Variants in EPHA6 observed in about 807,000 individuals in gnomAD.
The protein encoded by EPHA6 is EPH receptor A6.
EPHA6 carries 50 observed loss-of-function variants against 112.0 expected under a neutral mutation model. The observed-to-expected ratio is 0.45, with a 90% CI of 0.36 to 0.56. EPHA6 has a LOEUF of 0.56. Ranked by LOEUF, EPHA6 falls within the 20% of genes least tolerant of loss-of-function variation. EPHA6 has a pLI of 0.00. For synonymous variants in EPHA6, 529 were observed against 490.7 expected (o/e 1.08, Z -1.03); for missense variants, 1,280 against 1,417.4 (o/e 0.90, Z 1.56).
At chr3:96,968,388 GCACA>G (rs148279577) in intron 2 of EPHA6, among the ~76,000 whole-genome samples, 238 of 143,582 alleles carry the variant, frequency 1.7e-3, no homozygotes, top group East Asian at 5.5e-3. Flanking sequence ...AATGGTAAAA[GCACA>G]CACACACACA....
chr3:97,556,211 C>T (rs564742685), intron 11 of EPHA6, among the ~76,000 whole-genome samples: 71 of 152,196 alleles, frequency 4.7e-4, no homozygotes, highest in African/African-American at 1.7e-3. Flanking sequence ...CCCACACTCT[C>T]TGCCTTCTGA....
chr3:97,739,016 G>C (rs1291731521), intron 16 of EPHA6, among the ~76,000 whole-genome samples: 1 of 152,000 alleles, frequency 6.6e-6, no homozygotes. Flanking sequence ...AACTGAGACT[G>C]TTTAGGGAGA....
chr3:97,216,934 G>C (rs968205725), intron 3 of EPHA6, among the ~76,000 whole-genome samples: 9 of 152,020 alleles, frequency 5.9e-5, no homozygotes, highest in Admixed American at 2.6e-4. Flanking sequence ...TTTTACTTTT[G>C]GTCAAGATGG....
chr3:97,513,225 A>G (rs368102171), intron 10 of EPHA6, among the ~76,000 whole-genome samples: 20 of 152,202 alleles, frequency 1.3e-4, no homozygotes, highest in African/African-American at 4.8e-4. Flanking sequence ...CAGCCATGGT[A>G]GACAACAGTG....
At chr3:97,417,115 A>T (rs2088190560) in intron 6 of EPHA6, among the ~76,000 whole-genome samples, 1 of 152,204 alleles carries the variant, frequency 6.6e-6, no homozygotes, top group Non-Finnish European at 1.5e-5. Context: ...GATGAAATGT[A>T]TTTCTTAAAA....
At chr3:97,297,813 G>GA (rs771026482) in intron 5 of EPHA6, among the ~76,000 whole-genome samples, 4 of 151,886 alleles carry the variant, frequency 2.6e-5, no homozygotes, top group African/African-American at 4.8e-5. Flanking sequence ...GCCCAGGCTG[G>GA]AGTGCAGTTG....
chr3:97,640,938 G>A (rs1407297008), intron 14 of EPHA6, among the ~76,000 whole-genome samples: 1 of 152,108 alleles, frequency 6.6e-6, no homozygotes, highest in Non-Finnish European at 1.5e-5. Context: ...GGAATAAAGA[G>A]GAGGAGAGAG....
intron 5 of EPHA6, among the ~76,000 whole-genome samples, chr3:97,335,416 G>T (rs1678558746): frequency 1.3e-5 from 2 of 152,162 alleles, no homozygotes; most frequent in African/African-American, 2.4e-5. Flanking sequence ...CAGGCATTTT[G>T]CTACAGCAGC....
chr3:97,696,734 T>C (rs564362472), intron 14 of EPHA6, among the ~76,000 whole-genome samples: 1 of 152,186 alleles, frequency 6.6e-6, no homozygotes, highest in African/African-American at 2.4e-5. Context: ...GTCCAAGCGT[T>C]GCTACATGTG....
intron 2 of EPHA6, among the ~76,000 whole-genome samples, chr3:96,911,616 A>G (rs1183945225): frequency 6.6e-6 from 1 of 152,056 alleles, no homozygotes. Flanking sequence ...TTGTTCATAC[A>G]TGGTGCTGGG....
At chr3:97,154,819 CAG>C (rs2076252886) in intron 3 of EPHA6, among the ~76,000 whole-genome samples, 2 of 152,208 alleles carry the variant, frequency 1.3e-5, no homozygotes, top group Non-Finnish European at 2.9e-5. Flanking sequence ...GTTCAAGACA[CAG>C]TGATGAAATT....
intron 14 of EPHA6, among the ~76,000 whole-genome samples, chr3:97,704,077 G>A (rs1207897888): frequency 6.6e-6 from 1 of 152,184 alleles, no homozygotes; most frequent in Admixed American, 6.5e-5. Context: ...AAAGTGGATT[G>A]CTTTTTAAAT....
chr3:97,543,195 C>G (rs2092891716), intron 11 of EPHA6, among the ~76,000 whole-genome samples: 1 of 152,108 alleles, frequency 6.6e-6, no homozygotes, highest in Admixed American at 6.6e-5. Context: ...ATGGTATTGC[C>G]TAGGTTTTCT....
At chr3:97,107,325 A>G (rs548617991) in intron 3 of EPHA6, among the ~76,000 whole-genome samples, 1 of 152,192 alleles carries the variant, frequency 6.6e-6, no homozygotes, top group South Asian at 2.1e-4. Flanking sequence ...CTAGCTTTAT[A>G]CCTGGGGTCC....
intron 2 of EPHA6, among the ~76,000 whole-genome samples, chr3:96,932,073 A>G (rs1386382465): frequency 1.3e-5 from 2 of 152,244 alleles, no homozygotes; most frequent in East Asian, 3.9e-4. Flanking sequence ...TGGCAGGGTC[A>G]CACAGTCATT....
At chr3:97,605,117 C>G (rs1391618375) in intron 12 of EPHA6, among the ~76,000 whole-genome samples, 1 of 151,372 alleles carries the variant, frequency 6.6e-6, no homozygotes, top group African/African-American at 2.4e-5. Flanking sequence ...AGTAAACTGT[C>G]AAGACTTCCT....
chr3:97,719,225 G>T lies in EPHA6; in HGVS notation c.2785-1036G>T, dbSNP rs543484875. Among the ~76,000 whole-genome samples, 11 of 151,878 alleles carry T rather than the reference G, an allele frequency of 7.2e-5. No individual in the cohort carries two copies. The East Asian group carries it at 2.1e-3, about 29-fold the overall frequency. On this transcript the variant is annotated intron_variant, in intron 14 of 17. Coordinates refer to ENST00000389672, the MANE Select transcript of EPHA6 (RefSeq NM_001080448.3). ...TTCTTTCCACCCCTACTTGCACCAG[G>T]CTTTGCACACAGTGGGTGATCAGAT...
chr3:97,009,399 C>T (rs2043998221), intron 3 of EPHA6, among the ~76,000 whole-genome samples: 1 of 152,194 alleles, frequency 6.6e-6, no homozygotes. Flanking sequence ...TGCATACTGC[C>T]ACAGCCAGTA....
At chr3:97,674,912 C>A (rs1351749722) in intron 14 of EPHA6, among the ~76,000 whole-genome samples, 1 of 152,084 alleles carries the variant, frequency 6.6e-6, no homozygotes, top group African/African-American at 2.4e-5. Flanking sequence ...GAGTGGGCAT[C>A]TGAATTTGGG....
Sources: gnomAD v4.1 joint callset for allele counts (sites outside exome capture counted in the v4.1 genomes callset) on GRCh38, gnomAD v4.1.1 for gene constraint, MANE v1.5 for transcripts, NCBI Gene and HGNC (gene_info 2026-07-23, HGNC 2026-07-21) for gene names.